NSL1: variants seen among roughly 807,000 people sequenced by gnomAD.
The protein encoded by NSL1 is kinetochore-associated protein NSL1 homolog.
NSL1 carries 11 observed loss-of-function variants against 25.4 expected under a neutral mutation model. The observed-to-expected ratio is 0.43, with a 90% confidence interval of 0.27 to 0.72. NSL1 has a LOEUF of 0.72. Among genes scored for constraint, NSL1 ranks in the 30% least tolerant of loss-of-function variants. The pLI is 0.19. For missense variants in NSL1, 330 were observed against 342.7 expected (o/e 0.96, Z 0.29); for synonymous variants, 118 against 120.6 (o/e 0.98, Z 0.14).
chr1:212,790,929 A>AT (rs1172935122), intron 1 of NSL1, among the ~76,000 whole-genome samples: 27 of 148,364 alleles, frequency 1.8e-4, no homozygotes, highest in East Asian at 9.6e-4. Context: ...TCTCAAAAAA[A>AT]AAAAATAAAA....
intron 4 of NSL1, among the ~76,000 whole-genome samples, chr1:212,780,684 A>T (rs1660697484): frequency 6.6e-6 from 1 of 152,192 alleles, no homozygotes. Flanking sequence ...AAGCCATTTT[A>T]ATCAGTTTCA....
Position 212,731,784 on chromosome 1 carries a change from A to T in NSL1, c.*6624T>A. 3.0e-6 allele frequency: 3 copies of T among 985,372 alleles called. No homozygotes were observed. Among genetic ancestry groups the T allele is most frequent in the Non-Finnish European group, 3.6e-6 (3 of 829,924 alleles). The allele number at this position is 985,372 out of a possible 1,614,324, so 61.0% of individuals were successfully genotyped here. ...CTGCCATGTCAAAGCTGGTGTTCAG[A>T]CAGTCACACTGTTACAAACATATGG... is the stretch of plus-strand genomic sequence containing the variant. On this transcript the variant is annotated 3_prime_UTR_variant, in exon 6 of 6. Coordinates refer to ENST00000366977, the MANE Select transcript of NSL1 (RefSeq NM_015471.4).
At chr1:212,765,600 C>G (rs1028813094) in intron 4 of NSL1, among the ~76,000 whole-genome samples, 11 of 152,052 alleles carry the variant, frequency 7.2e-5, no homozygotes, top group Admixed American at 3.3e-4. Context: ...ACAGGCAGAC[C>G]ACCTGAGGTC....
intron 4 of NSL1, among the ~76,000 whole-genome samples, chr1:212,749,233 T>TA (rs750671003): frequency 2.6e-5 from 4 of 152,162 alleles, no homozygotes; most frequent in Non-Finnish European, 4.4e-5. Context: ...TTATCTTTTA[T>TA]GAATAGGGTA....
At position 212,749,981 on chromosome 1, in the gene NSL1, G is replaced by T. The variant is rs1658989992; in HGVS notation, c.500-10380C>A. ...GCCAGCTACACTTTCCCATTAATAT[G>T]GCAACCAAAAACTTTCTTTCACTTT... On this transcript the variant is annotated intron_variant, in intron 4 of 5. Transcript: ENST00000366977. Among the ~76,000 whole-genome samples, 3 of 149,878 alleles carry T rather than the reference G, an allele frequency of 2.0e-5. No homozygotes were observed. In the South Asian group the frequency reaches 6.5e-4, roughly 32 times the overall value.
At chr1:212,764,332 GCA>G (rs1659701801) in intron 4 of NSL1, among the ~76,000 whole-genome samples, 1 of 152,006 alleles carries the variant, frequency 6.6e-6, no homozygotes, top group African/African-American at 2.4e-5. Context: ...CCCTGAAATA[GCA>G]CAGACAATTT....
At chr1:212,780,202 AC>A (rs1381215223) in intron 4 of NSL1, among the ~76,000 whole-genome samples, 2 of 151,400 alleles carry the variant, frequency 1.3e-5, no homozygotes, top group Non-Finnish European at 2.9e-5. Flanking sequence ...CTGTGACCTT[AC>A]CCCCAACCCT....
In NSL1 at chr1:212,735,160, A is replaced by C. The variant is rs1423533981; in HGVS notation, c.*3248T>G. 3.1e-6 allele frequency: 1 copy of C among 320,682 alleles called. No homozygotes were observed. The highest frequency in any genetic ancestry group is 4.5e-6 in the Non-Finnish European group (1 of 222,512). The allele number at this position is 320,682 out of a possible 1,614,324, so 19.9% of individuals were successfully genotyped here. ...TCTGAACCCAGATGATCTGGCTCAGAGACTATGCTCTTTAAGATCTCTGAC... is the reference window on the plus strand; with the variant it reads ...TCTGAACCCAGATGATCTGGCTCAGCGACTATGCTCTTTAAGATCTCTGAC... On this transcript the variant is annotated 3_prime_UTR_variant, in exon 6 of 6. Transcript: ENST00000366977.
At chr1:212,776,569 T>A (rs1402152158) in intron 4 of NSL1, among the ~76,000 whole-genome samples, 1 of 150,922 alleles carries the variant, frequency 6.6e-6, no homozygotes, top group East Asian at 1.9e-4. Context: ...AAATAAAAAT[T>A]AAAATTAAAT....
intron 4 of NSL1, among the ~76,000 whole-genome samples, chr1:212,759,190 T>A (rs1659447311): frequency 6.6e-6 from 1 of 151,292 alleles, no homozygotes; most frequent in Admixed American, 6.6e-5. Context: ...GAAAAAAAAA[T>A]AGGTAAATTA....
chr1:212,743,754 C>A (rs752378300), intron 4 of NSL1, among the ~76,000 whole-genome samples: 4 of 152,070 alleles, frequency 2.6e-5, no homozygotes, highest in Non-Finnish European at 4.4e-5. Context: ...TTTCACCAAT[C>A]AACAGAATGT....
chr1:212,747,965 C>T (rs1023216491), intron 4 of NSL1, among the ~76,000 whole-genome samples: 1 of 152,054 alleles, frequency 6.6e-6, no homozygotes, highest in Admixed American at 6.5e-5. Flanking sequence ...GGGGTTTCAC[C>T]GTGTTGGTCA....
chr1:212,726,716 G>A lies in NSL1; in HGVS notation c.*11692C>T, dbSNP rs1028657572. 3.1e-5 allele frequency: 5 copies of A among 160,878 alleles called. No homozygotes were observed. In the South Asian group the frequency reaches 8.0e-4, roughly 26 times the overall value. 10.0% of individuals were successfully genotyped at this position (160,878 alleles called of 1,614,324 possible). A position where few individuals can be genotyped will look rare whatever the true frequency, so the allele number is the denominator to read the frequency against. ...GCTCCTCTTCAATGTCCAGACCGCTGAGCCACTCTGCAGTCCTCAAATGCA... is the reference window on the plus strand; with the variant it reads ...GCTCCTCTTCAATGTCCAGACCGCTAAGCCACTCTGCAGTCCTCAAATGCA... On this transcript the variant is annotated 3_prime_UTR_variant, in exon 6 of 6. Transcript: ENST00000366977.
At position 212,741,603 on chromosome 1, in the gene NSL1, A is replaced by C. The variant is rs144140404; in HGVS notation, c.500-2002T>G. Among the ~76,000 whole-genome samples the C allele has an allele frequency of 2.2e-3, 341 of 152,256 alleles. 1 individual carries two copies. Among genetic ancestry groups the C allele is most frequent in the African/African-American group, 7.7e-3 (319 of 41,542 alleles). On this transcript the variant is annotated intron_variant, in intron 4 of 5. Coordinates refer to ENST00000366977, the MANE Select transcript of NSL1 (RefSeq NM_015471.4). ...TCTTCCTTTGCCTTCTGCCATGACTATAAGTTTCCTGAGGCCTCCCAAGAA... is the reference window on the plus strand; with the variant it reads ...TCTTCCTTTGCCTTCTGCCATGACTCTAAGTTTCCTGAGGCCTCCCAAGAA...
Position 212,734,305 on chromosome 1 carries a change from A to C in NSL1, c.*4103T>G, listed in dbSNP as rs2102423222. 6.6e-6 allele frequency among the ~76,000 whole-genome samples: 1 copy of C among 152,328 alleles called. No homozygotes were observed. The highest frequency in any genetic ancestry group is 2.4e-5 in the African/African-American group (1 of 41,570). ...CAATTATTCCAGGTGGATGGAACAA[A>C]GATTCCTGCCATTAAGGGACTTACA... On this transcript the variant is annotated 3_prime_UTR_variant, in exon 6 of 6. Coordinates refer to ENST00000366977, the MANE Select transcript of NSL1 (RefSeq NM_015471.4).
In NSL1 at chr1:212,731,451, T is replaced by TCTGAAACGCTGAAAAA. The variant is rs1658013213; in HGVS notation, c.*6956_*6957insTTTTTCAGCGTTTCAG. The TCTGAAACGCTGAAAAA allele has an allele frequency of 1.0e-6, 1 of 985,178 alleles. No individual in the cohort carries two copies. Among genetic ancestry groups the TCTGAAACGCTGAAAAA allele is most frequent in the Admixed American group, 6.2e-5 (1 of 16,258 alleles). 61.0% of individuals were successfully genotyped at this position (985,178 alleles called of 1,614,324 possible). A position where few individuals can be genotyped will look rare whatever the true frequency, so the allele number is the denominator to read the frequency against. On this transcript the variant is annotated 3_prime_UTR_variant, in exon 6 of 6. Coordinates refer to ENST00000366977, the MANE Select transcript of NSL1 (RefSeq NM_015471.4). ...CCTGTTTTGAAACCCTGAGAAAGCT[T>TCTGAAACGCTGAAAAA]CTGAAACCCTGAAAAACTGAAACCC...
At chr1:212,778,855 C>T (rs1459879066) in intron 4 of NSL1, among the ~76,000 whole-genome samples, 3 of 152,046 alleles carry the variant, frequency 2.0e-5, no homozygotes, top group Non-Finnish European at 4.4e-5. Context: ...TCTGCCTGGC[C>T]GCCTATCGTC....
chr1:212,759,166 C>A (rs1310800855), intron 4 of NSL1, among the ~76,000 whole-genome samples: 1 of 151,852 alleles, frequency 6.6e-6, no homozygotes, highest in African/African-American at 2.4e-5. Flanking sequence ...AAACTAAAAC[C>A]AAAGCAACCA....
At chr1:212,766,343 C>T in intron 4 of NSL1, 1 of 461,888 alleles carries the variant, frequency 2.2e-6, no homozygotes, top group Admixed American at 3.9e-5. Flanking sequence ...AGCAATCAGA[C>T]AAGAGAAAGA....
Sources: allele counts gnomAD v4.1 joint callset (sites outside exome capture counted in the v4.1 genomes callset), GRCh38; gene constraint gnomAD v4.1.1; transcripts MANE v1.5; gene names NCBI Gene and HGNC (gene_info 2026-07-23, HGNC 2026-07-21).